Variants in STAU2 observed in about 807,000 individuals in gnomAD.
STAU2 encodes double-stranded RNA-binding protein Staufen homolog 2.
A neutral mutation model predicts 65.9 loss-of-function variants in STAU2; 20 were observed. That is an observed-to-expected ratio of 0.30 (90% confidence interval 0.21 to 0.44). The LOEUF is 0.44. STAU2 is among the 20% of genes least tolerant of loss of function. The pLI is 1.00. For synonymous variants in STAU2, 232 were observed against 233.9 expected, an observed-to-expected ratio of 0.99 and a Z score of 0.07; for missense variants, 558 against 683.9, an observed-to-expected ratio of 0.82 and a Z score of 2.05.
At chr8:73,654,750 G>A (rs368561255) in intron 6 of STAU2, among the ~76,000 whole-genome samples, 117 of 120,596 alleles carry the variant, frequency 9.7e-4, no homozygotes, top group African/African-American at 3.4e-3. Context: ...GCAGTGGCAC[G>A]ATCTCGACTC....
intron 12 of STAU2, among the ~76,000 whole-genome samples, chr8:73,565,500 A>C (rs139087955): frequency 6.6e-6 from 1 of 152,296 alleles, no homozygotes; most frequent in East Asian, 1.9e-4. Context: ...AGACTAATAC[A>C]TTACACAAAT....
rs1346654159 is a variant in STAU2, at chr8:73,746,799, C to G, written c.-213G>C. The G allele has an allele frequency of 3.2e-6, 4 of 1,232,500 alleles. No individual in the cohort carries two copies. In the Admixed American group the frequency reaches 1.7e-4, roughly 52 times the overall value. 76.3% of individuals were successfully genotyped at this position (1,232,500 alleles called of 1,614,324 possible). ...GGTATTTACCTTCTTGCCGGGGACA[C>G]TTTGCAGACGGCTCCAACATTGGCA... On this transcript the variant is annotated 5_prime_UTR_variant, in exon 1 of 15. Transcript: ENST00000524300.
intron 13 of STAU2, among the ~76,000 whole-genome samples, chr8:73,524,008 C>G (rs1239983164): frequency 6.6e-6 from 1 of 152,100 alleles, no homozygotes; most frequent in Non-Finnish European, 1.5e-5. Flanking sequence ...GATTGTGCCA[C>G]TGCACTCCAG....
intron 13 of STAU2, chr8:73,550,509 A>G (rs1397433475): frequency 3.5e-5 from 35 of 986,352 alleles, no homozygotes; most frequent in Non-Finnish European, 3.7e-5. Flanking sequence ...TTACTCTCAG[A>G]CATTTCTAAA....
At chr8:73,665,558 C>T (rs1394466559) in intron 6 of STAU2, among the ~76,000 whole-genome samples, 1 of 152,152 alleles carries the variant, frequency 6.6e-6, no homozygotes, top group East Asian at 1.9e-4. Flanking sequence ...CAAATATTGG[C>T]AGTTTCATAC....
intron 13 of STAU2, among the ~76,000 whole-genome samples, chr8:73,540,458 T>C (rs1806469791): frequency 6.6e-6 from 1 of 152,216 alleles, no homozygotes; most frequent in Admixed American, 6.5e-5. Context: ...TCCACAACTG[T>C]GAGAGAATAA....
intron 12 of STAU2, among the ~76,000 whole-genome samples, chr8:73,553,478 G>A (rs1807487065): frequency 1.3e-5 from 2 of 152,254 alleles, no homozygotes; most frequent in South Asian, 4.1e-4. Flanking sequence ...AATGCCTTTT[G>A]TGAAATTAAA....
chr8:73,507,688 T>C (rs1822147421), intron 13 of STAU2, among the ~76,000 whole-genome samples: 1 of 152,218 alleles, frequency 6.6e-6, no homozygotes, highest in Non-Finnish European at 1.5e-5. Context: ...AAGCATTGAC[T>C]TCTCCTTTCT....
intron 5 of STAU2, among the ~76,000 whole-genome samples, chr8:73,685,417 A>C (rs1157201535): frequency 6.7e-6 from 1 of 148,498 alleles, no homozygotes; most frequent in Non-Finnish European, 1.5e-5. Context: ...TCGCTCTGTC[A>C]CCAGGCTGGA....
chr8:73,489,540 G>C (rs943311612), intron 13 of STAU2, among the ~76,000 whole-genome samples: 1 of 151,954 alleles, frequency 6.6e-6, no homozygotes, highest in Admixed American at 6.6e-5. Flanking sequence ...CCATAAAACA[G>C]GCTTAGGGAA....
At chr8:73,504,583 G>A (rs1180051331) in intron 13 of STAU2, among the ~76,000 whole-genome samples, 5 of 152,146 alleles carry the variant, frequency 3.3e-5, no homozygotes, top group African/African-American at 1.2e-4. Context: ...CAGGGTGTGG[G>A]AGCCTAGCTG....
intron 6 of STAU2, among the ~76,000 whole-genome samples, chr8:73,640,707 C>G (rs1441974223): frequency 9.2e-5 from 14 of 152,118 alleles, no homozygotes; most frequent in Admixed American, 9.2e-4. Context: ...ATGGGACATA[C>G]ATAAAAAGAA....
intron 11 of STAU2, among the ~76,000 whole-genome samples, chr8:73,590,159 G>GAAGGAGAAGAAGAAAAGGAGGAGGAA (rs1563442816): frequency 1.4e-5 from 2 of 146,972 alleles, no homozygotes; most frequent in African/African-American, 2.6e-5. Context: ...AAGAGGATAA[G>GAAGGAGAAGAAGAAAAGGAGGAGGAA]AAGGAGAAGA....
At chr8:73,501,573 C>A (rs1166341173) in intron 13 of STAU2, among the ~76,000 whole-genome samples, 2 of 151,948 alleles carry the variant, frequency 1.3e-5, no homozygotes, top group Non-Finnish European at 2.9e-5. Flanking sequence ...CTCTAAACCT[C>A]TAAAGGTAAA....
chr8:73,435,225 C>T (rs1212912778), intron 13 of STAU2, among the ~76,000 whole-genome samples: 1 of 152,008 alleles, frequency 6.6e-6, no homozygotes, highest in African/African-American at 2.4e-5. Flanking sequence ...GGGTTCCTAA[C>T]AGTGCCTGCC....
At chr8:73,606,533 A>C (rs1812046792) in intron 9 of STAU2, among the ~76,000 whole-genome samples, 1 of 152,198 alleles carries the variant, frequency 6.6e-6, no homozygotes, top group Non-Finnish European at 1.5e-5. Flanking sequence ...TTAAAACCAA[A>C]ATGAGATATC....
chr8:73,706,924 A>C (rs1011658329), intron 4 of STAU2, among the ~76,000 whole-genome samples: 1 of 152,246 alleles, frequency 6.6e-6, no homozygotes, highest in African/African-American at 2.4e-5. Context: ...ATGGATTCCT[A>C]AAGAATCTTA....
intron 13 of STAU2, among the ~76,000 whole-genome samples, chr8:73,485,335 A>C (rs1169044083): frequency 6.6e-6 from 1 of 151,754 alleles, no homozygotes; most frequent in Admixed American, 6.6e-5. Context: ...TAAAATTATT[A>C]TTCATATAAC....
rs1819120322 is a variant in STAU2 at position 73,688,664 on chromosome 8, G to A, written c.264C>T (p.Asn88=). The A allele has an allele frequency of 1.2e-6, 2 of 1,613,942 alleles. No individual in the cohort carries two copies. The highest frequency in any genetic ancestry group is 1.1e-5 in the South Asian group (1 of 91,076). ...PVQKPPKSNV[N]NNPGSITPTV... ...GAGTCACTGCCATACCTGGGTTATT[G>A]TTAACATTACTTTTGGGTGGCTTCT... The change falls in exon 5 of 15, where the codon AAC becomes AAT. Residue 88 remains asparagine, a synonymous_variant. Transcript: ENST00000524300.
Sources: gnomAD v4.1 joint callset for allele counts (sites outside exome capture counted in the v4.1 genomes callset) on GRCh38, gnomAD v4.1.1 for gene constraint, MANE v1.5 for transcripts, NCBI Gene and HGNC (gene_info 2026-07-23, HGNC 2026-07-21) for gene names.